XNDC1N: variants seen among roughly 807,000 people sequenced by gnomAD.
XNDC1N encodes the protein XRCC1 N-terminal domain containing 1, N-terminal like.
chr11:71,870,090 TA>T, the XNDC1N span, among the ~76,000 whole-genome samples: 10 of 152,182 alleles, frequency 6.6e-5, no homozygotes, highest in Non-Finnish European at 1.3e-4. Context: ...TTCCCATTTA[TA>T]AAATCATCAG....
chr11:71,874,677 C>T, the XNDC1N span, among the ~76,000 whole-genome samples: 2 of 152,154 alleles, frequency 1.3e-5, no homozygotes, highest in Admixed American at 6.5e-5. Flanking sequence ...GAGACAGCAA[C>T]CTTGTGCCAA....
the XNDC1N span, among the ~76,000 whole-genome samples, chr11:71,915,018 G>C: frequency 6.6e-6 from 1 of 152,180 alleles, no homozygotes; most frequent in Non-Finnish European, 1.5e-5. Context: ...TTTCATGAAA[G>C]GAAGAGTAGA....
the XNDC1N span, among the ~76,000 whole-genome samples, chr11:71,925,300 T>C: frequency 6.6e-6 from 1 of 152,134 alleles, no homozygotes; most frequent in East Asian, 1.9e-4. Flanking sequence ...AGGGAGAATA[T>C]AGTTCCTGAT....
chr11:71,899,423 CAT>C, the XNDC1N span, among the ~76,000 whole-genome samples: 1 of 152,088 alleles, frequency 6.6e-6, no homozygotes, highest in African/African-American at 2.4e-5. Flanking sequence ...AAAGGAAAGA[CAT>C]AAAAGACTCC....
the XNDC1N span, among the ~76,000 whole-genome samples, chr11:71,887,227 G>A: frequency 8.5e-5 from 13 of 152,166 alleles, no homozygotes; most frequent in African/African-American, 1.4e-4. Context: ...GACTATTGAC[G>A]TCATCGGAGC....
chr11:71,902,549 A>G, the XNDC1N span, among the ~76,000 whole-genome samples: 1 of 152,246 alleles, frequency 6.6e-6, no homozygotes, highest in African/African-American at 2.4e-5. Flanking sequence ...TAGAGCTTCC[A>G]TGAATTTTAA....
At chr11:71,917,622 A>G in the XNDC1N span, 1 of 703,462 alleles carries the variant, frequency 1.4e-6, no homozygotes, top group Non-Finnish European at 2.6e-6. Flanking sequence ...CCTCTTTACC[A>G]TCTTTAAACA....
the XNDC1N span, among the ~76,000 whole-genome samples, chr11:71,868,250 G>A: frequency 6.6e-6 from 1 of 152,312 alleles, no homozygotes; most frequent in East Asian, 1.9e-4. Context: ...GCCACTTTGT[G>A]CCTTTTAAGT....
chr11:71,894,006 T>C, the XNDC1N span: 9,399 of 928,106 alleles, frequency 0.01, 539 homozygotes, highest in African/African-American at 0.15. Flanking sequence ...ATTCTGTCTG[T>C]GACCCCTCTC....
At chr11:71,867,364 G>A in the XNDC1N span, among the ~76,000 whole-genome samples, 51 of 152,172 alleles carry the variant, frequency 3.4e-4, no homozygotes, top group Non-Finnish European at 5.0e-4. Context: ...CAGTCAGGAG[G>A]TCATGACAAC....
the XNDC1N span, among the ~76,000 whole-genome samples, chr11:71,895,759 A>T: frequency 6.6e-6 from 1 of 152,224 alleles, no homozygotes; most frequent in Non-Finnish European, 1.5e-5. Flanking sequence ...GTATCCCTGA[A>T]GTTTCACATT....
the XNDC1N span, among the ~76,000 whole-genome samples, chr11:71,921,672 GA>G: frequency 6.6e-6 from 1 of 152,118 alleles, no homozygotes; most frequent in African/African-American, 2.4e-5. Context: ...ATCTTACACT[GA>G]GGGGGGTGTG....
At chr11:71,925,046 C>G in the XNDC1N span, among the ~76,000 whole-genome samples, 3 of 151,740 alleles carry the variant, frequency 2.0e-5, no homozygotes, top group Non-Finnish European at 2.9e-5. Flanking sequence ...GCCATTGCCT[C>G]TGCTTGGAAT....
the XNDC1N span, chr11:71,916,677 C>T: frequency 5.7e-6 from 1 of 174,232 alleles, no homozygotes; most frequent in Non-Finnish European, 1.2e-5. Flanking sequence ...CACGGTATCA[C>T]ATTCCGATAT....
the XNDC1N span, among the ~76,000 whole-genome samples, chr11:71,889,629 G>C: frequency 1.3e-5 from 2 of 151,960 alleles, no homozygotes; most frequent in African/African-American, 4.8e-5. Context: ...TGGAAAAGTT[G>C]TTAGGCCGGT....
chr11:71,916,491 G>T, the XNDC1N span: 1 of 495,940 alleles, frequency 2.0e-6, no homozygotes, highest in Non-Finnish European at 3.6e-6. Context: ...CTCTGTCACA[G>T]TTCCACACTA....
At chr11:71,896,406 T>G in the XNDC1N span, among the ~76,000 whole-genome samples, 1 of 152,326 alleles carries the variant, frequency 6.6e-6, no homozygotes, top group Admixed American at 6.5e-5. Context: ...TACAGAAAGA[T>G]GGAATAAGTG....
chr11:71,906,419 AGAGAACACAGG>A, the XNDC1N span, among the ~76,000 whole-genome samples: 1 of 152,236 alleles, frequency 6.6e-6, no homozygotes. Context: ...ATATTATGAA[AGAGAACACAGG>A]GAGAACACGC....
the XNDC1N span, among the ~76,000 whole-genome samples, chr11:71,909,708 A>T: frequency 6.6e-6 from 1 of 152,188 alleles, no homozygotes; most frequent in Admixed American, 6.5e-5. Flanking sequence ...CGGGGGTTTC[A>T]GCAAAGCTAG....
Sources: allele counts gnomAD v4.1 joint callset (sites outside exome capture counted in the v4.1 genomes callset), GRCh38; gene constraint gnomAD v4.1.1; transcripts MANE v1.5; gene names NCBI Gene and HGNC (gene_info 2026-07-23, HGNC 2026-07-21).